IL1RL2: variants seen among roughly 807,000 people sequenced by gnomAD.
IL1RL2 encodes the protein interleukin 1 receptor like 2.
Under a neutral mutation model 66.8 loss-of-function variants are expected in IL1RL2, and 68 were observed. The ratio of observed to expected loss-of-function variants is 1.02; its 90% CI spans 0.84 to 1.25. The LOEUF (loss-of-function observed/expected upper bound fraction) is 1.25. IL1RL2 is among the 50% of genes most tolerant of loss of function. IL1RL2 has a pLI of 0.00. For synonymous variants in IL1RL2, 305 were observed against 264.6 expected, an observed-to-expected ratio of 1.15 and a Z score of -1.48; for missense variants, 729 against 709.3, an observed-to-expected ratio of 1.03 and a Z score of -0.32.
At chr2:102,189,854 G>T (rs917158014) in intron 3 of IL1RL2, among the ~76,000 whole-genome samples, 2 of 152,138 alleles carry the variant, frequency 1.3e-5, no homozygotes, top group African/African-American at 4.8e-5. Context: ...GGGTTTCACC[G>T]TGTTAGCTAG....
intron 5 of IL1RL2, among the ~76,000 whole-genome samples, chr2:102,203,059 C>T (rs1376948960): frequency 6.6e-6 from 1 of 152,104 alleles, no homozygotes; most frequent in African/African-American, 2.4e-5. Flanking sequence ...GTTCTTTCTA[C>T]TTCCAGTTTT....
At chr2:102,239,009 CT>C (rs1675107297) in intron 11 of IL1RL2, among the ~76,000 whole-genome samples, 182 bp from the exon 12 acceptor site, 2 of 152,166 alleles carry the variant, frequency 1.3e-5, no homozygotes, top group Admixed American at 1.3e-4. Context: ...CACTGCTCAC[CT>C]GTGATCCTCT....
chr2:102,217,092 T>A (rs945755576), intron 6 of IL1RL2, among the ~76,000 whole-genome samples: 1 of 152,202 alleles, frequency 6.6e-6, no homozygotes, highest in Admixed American at 6.5e-5. Flanking sequence ...ATGGTAATTA[T>A]CACCCTTTCA....
intron 11 of IL1RL2, 97 bp downstream of exon 11, chr2:102,235,374 G>A: frequency 1.3e-6 from 2 of 1,523,734 alleles, no homozygotes; most frequent in South Asian, 2.5e-5. Flanking sequence ...TTTCATCGGG[G>A]CCGTCTGCTC....
chr2:102,200,022 T>G (rs1688110463), intron 4 of IL1RL2, among the ~76,000 whole-genome samples: 1 of 146,344 alleles, frequency 6.8e-6, no homozygotes, highest in South Asian at 2.2e-4. Flanking sequence ...TGGGGTGTGG[T>G]GGCACGTACC....
At chr2:102,225,843 CTT>C (rs1690550686) in intron 8 of IL1RL2, 53 bp from the exon 9 acceptor site, 2 of 1,364,108 alleles carry the variant, frequency 1.5e-6, no homozygotes, top group Non-Finnish European at 2.0e-6. Flanking sequence ...ATAATGGACT[CTT>C]TGTTTCATTA....
intron 2 of IL1RL2, among the ~76,000 whole-genome samples, chr2:102,188,140 C>CG (rs1431881665): frequency 2.6e-5 from 4 of 152,238 alleles, no homozygotes; most frequent in African/African-American, 9.6e-5. Context: ...GAGGTGACTT[C>CG]GGGGAGGGGA....
intron 5 of IL1RL2, among the ~76,000 whole-genome samples, chr2:102,210,085 C>T (rs1689032249): frequency 6.6e-6 from 1 of 152,096 alleles, no homozygotes; most frequent in South Asian, 2.1e-4. Context: ...AGACCAGGGC[C>T]TCGTGAGAAA....
rs529060003 is a variant in IL1RL2, at chr2:102,235,227, C to T, written c.1628C>T (p.Pro543Leu). The T allele has an allele frequency of 1.5e-4, 246 of 1,614,114 alleles. 3 individuals are homozygous for T. In the South Asian group the frequency reaches 1.6e-3, roughly 11 times the overall value. The change falls in exon 11 of 12, where the codon CCG becomes CTG. Residue 543 changes from proline to leucine, a missense_variant. Transcript: ENST00000264257. ...CACATGCCGCCCAGAAGGTGTCGGC[C>T]GTTTCCTCCGGTCCAGCTGCTGCAG... ...RYHMPPRRCR[P>L]FPPVQLLQHT...
At chr2:102,188,044 C>A in intron 2 of IL1RL2, 119 bp downstream of exon 2, 4 of 935,012 alleles carry the variant, frequency 4.3e-6, no homozygotes, top group Non-Finnish European at 6.9e-6. Context: ...CTCCCCAGAC[C>A]GCCAGGCGGA....
intron 1 of IL1RL2, 130 bp downstream of exon 1, chr2:102,187,216 C>T: frequency 8.3e-7 from 1 of 1,206,280 alleles, no homozygotes; most frequent in Non-Finnish European, 1.1e-6. Flanking sequence ...CCCAGGCCGG[C>T]CCCCGACCGG....
chr2:102,232,754 T>C (rs76394402), intron 9 of IL1RL2, among the ~76,000 whole-genome samples: 2,045 of 152,206 alleles, frequency 0.013, 13 homozygotes, highest in Non-Finnish European at 0.023. Flanking sequence ...CTCTTGAGCA[T>C]TGGGGATAAG....
chr2:102,189,436 C>A (rs1210455943), intron 3 of IL1RL2, 126 bp downstream of exon 3: 4 of 644,076 alleles, frequency 6.2e-6, no homozygotes, highest in African/African-American at 5.5e-5. Context: ...ATAATTGCTA[C>A]AAGACAATTT....
intron 11 of IL1RL2, among the ~76,000 whole-genome samples, chr2:102,238,496 A>T (rs574516733): frequency 2.0e-5 from 3 of 152,174 alleles, no homozygotes; most frequent in Non-Finnish European, 4.4e-5. Flanking sequence ...AGGGCCCCCC[A>T]CACCCATCAG....
At chr2:102,236,070 G>A (rs1185682209) in intron 11 of IL1RL2, 2 of 504,276 alleles carry the variant, frequency 4.0e-6, no homozygotes, top group Non-Finnish European at 5.1e-6. Context: ...GCAAGGCAAA[G>A]TCAGTTTCCA....
chr2:102,201,874 G>C (rs556112039), intron 5 of IL1RL2, among the ~76,000 whole-genome samples, 159 bp downstream of exon 5: 2 of 152,274 alleles, frequency 1.3e-5, no homozygotes, highest in East Asian at 3.9e-4. Context: ...GAATCAGAAG[G>C]TGGGAAGAGT....
chr2:102,221,769 T>A (rs1690153818), intron 8 of IL1RL2, among the ~76,000 whole-genome samples: 1 of 152,208 alleles, frequency 6.6e-6, no homozygotes, highest in East Asian at 1.9e-4. Flanking sequence ...TGTCTCCTCA[T>A]CTGGGAAATG....
At chr2:102,187,296 C>T (rs1454037432) in intron 1 of IL1RL2, 1 of 1,175,606 alleles carries the variant, frequency 8.5e-7, no homozygotes, top group African/African-American at 1.6e-5. Context: ...TTTTCAGCTC[C>T]AGCGGCTCCC....
chr2:102,240,843 T>C (rs1191221733), downstream of IL1RL2, among the ~76,000 whole-genome samples: 1 of 152,248 alleles, frequency 6.6e-6, no homozygotes, highest in Non-Finnish European at 1.5e-5. Flanking sequence ...ATTTCCTGCC[T>C]GTGTAAAAGG....
Sources: allele counts gnomAD v4.1 joint callset (sites outside exome capture counted in the v4.1 genomes callset), GRCh38; gene constraint gnomAD v4.1.1; transcripts MANE v1.5; gene names NCBI Gene and HGNC (gene_info 2026-07-23, HGNC 2026-07-21).